Variants in C10orf90 observed in about 807,000 individuals in gnomAD.
C10orf90 encodes the protein chromosome 10 open reading frame 90.
A neutral mutation model predicts 62.5 loss-of-function variants in C10orf90; 56 were observed. The observed-to-expected ratio is 0.90, with a 90% CI of 0.72 to 1.12. The LOEUF is 1.12. Among genes scored for constraint, C10orf90 ranks in the 50% most tolerant of loss-of-function variants. The pLI is 0.00. For synonymous variants in C10orf90, 386 were observed against 340.4 expected, an observed-to-expected ratio of 1.13 and a Z score of -1.47; for missense variants, 970 against 880.4, an observed-to-expected ratio of 1.10 and a Z score of -1.29.
At chr10:126,434,613 C>T (rs1417277634) in intron 7 of C10orf90, among the ~76,000 whole-genome samples, 1 of 152,140 alleles carries the variant, frequency 6.6e-6, no homozygotes, top group Admixed American at 6.5e-5. Flanking sequence ...GTCAATAAGC[C>T]AGCCTGGAGT....
At position 126,565,944 on chromosome 10, in the gene C10orf90, G is replaced by A. The variant is rs565666265; in HGVS notation, c.314-52005C>T. Among the ~76,000 whole-genome samples the A allele has an allele frequency of 7.8e-4, 119 of 152,252 alleles. 1 individual carries two copies. The highest frequency in any genetic ancestry group is 2.6e-3 in the African/African-American group (109 of 41,558). The stretch of plus-strand genomic sequence containing the variant: ...GTTAGCCCAAATAGCGCTCCTCCAC[G>A]TCCCCTTATCATTTCCATATTCACA... On this transcript the variant is annotated intron_variant, in intron 2 of 9. Coordinates refer to ENST00000488181, the MANE Select transcript of C10orf90 (RefSeq NM_001350921.2).
intron 2 of C10orf90, among the ~76,000 whole-genome samples, chr10:126,561,470 A>G (rs1009763037): frequency 2.0e-5 from 3 of 152,146 alleles, no homozygotes; most frequent in Non-Finnish European, 4.4e-5. Context: ...ATTGTAGGCA[A>G]TTACATTTTA....
intron 8 of C10orf90, among the ~76,000 whole-genome samples, chr10:126,427,512 A>T (rs1857330443): frequency 6.6e-6 from 1 of 152,130 alleles, no homozygotes; most frequent in African/African-American, 2.4e-5. Context: ...GAAGAGGAAG[A>T]CCTACATTCA....
chr10:126,490,052 A>ATATAT lies in C10orf90; in HGVS notation c.1534+13904_1534+13905insATATA, dbSNP rs1861666674. On this transcript the variant is annotated intron_variant, in intron 4 of 9. Coordinates refer to ENST00000488181, the MANE Select transcript of C10orf90 (RefSeq NM_001350921.2). ...TAATATATAATATATATTATATATT[A>ATATAT]TGTTATATAATATATAATATATAAT... 6.7e-5 allele frequency among the ~76,000 whole-genome samples: 6 copies of ATATAT among 89,712 alleles called. No individual in the cohort carries two copies. In the South Asian group the frequency reaches 1.4e-3, roughly 22 times the overall value. 58.9% of individuals were successfully genotyped at this position (89,712 alleles called of 152,430 possible). A position where few individuals can be genotyped will look rare whatever the true frequency, so the allele number is the denominator to read the frequency against.
intron 3 of C10orf90, among the ~76,000 whole-genome samples, chr10:126,511,057 C>T (rs550248489): frequency 1.3e-5 from 2 of 152,246 alleles, no homozygotes; most frequent in African/African-American, 4.8e-5. Context: ...CTGCAGTCCT[C>T]TCCGCGTTTG....
intron 4 of C10orf90, among the ~76,000 whole-genome samples, chr10:126,478,264 C>G (rs1334332772): frequency 6.6e-6 from 1 of 152,212 alleles, no homozygotes; most frequent in Non-Finnish European, 1.5e-5. Context: ...TTCTGCCACC[C>G]TTTAAGTGGG....
chr10:126,530,559 T>A (rs1001164980), intron 2 of C10orf90, among the ~76,000 whole-genome samples: 1 of 151,498 alleles, frequency 6.6e-6, no homozygotes, highest in Non-Finnish European at 1.5e-5. Flanking sequence ...GACCCCTATA[T>A]CTATTAAAGA....
At chr10:126,465,612 C>T (rs113042712) in intron 4 of C10orf90, among the ~76,000 whole-genome samples, 8 of 152,124 alleles carry the variant, frequency 5.3e-5, no homozygotes, top group African/African-American at 1.7e-4. Flanking sequence ...CGTACTATGG[C>T]GAATACAGAG....
intron 2 of C10orf90, among the ~76,000 whole-genome samples, chr10:126,554,373 T>C (rs1044466916): frequency 6.6e-6 from 1 of 152,138 alleles, no homozygotes; most frequent in African/African-American, 2.4e-5. Flanking sequence ...CAGCTGGAGA[T>C]AGTAGTTATG....
At chr10:126,534,905 C>T (rs891258843) in intron 2 of C10orf90, among the ~76,000 whole-genome samples, 3 of 152,168 alleles carry the variant, frequency 2.0e-5, no homozygotes, top group African/African-American at 7.2e-5. Context: ...ACACTCACTC[C>T]ATTAGCACCC....
chr10:126,534,992 T>C (rs1864194716), intron 2 of C10orf90, among the ~76,000 whole-genome samples: 1 of 152,146 alleles, frequency 6.6e-6, no homozygotes, highest in Admixed American at 6.5e-5. Flanking sequence ...TCAGAGCATC[T>C]GAGACCACAT....
intron 2 of C10orf90, among the ~76,000 whole-genome samples, chr10:126,636,602 C>T (rs78886180): frequency 0.057 from 8,606 of 152,262 alleles, 261 homozygotes; most frequent in South Asian, 0.066. Context: ...CTTCAGCTTC[C>T]AGATAAATAT....
chr10:126,459,364 C>T (rs1432962774), intron 6 of C10orf90, 147 bp from the exon 7 acceptor site: 3 of 888,906 alleles, frequency 3.4e-6, no homozygotes, highest in African/African-American at 3.4e-5. Flanking sequence ...GCTTTTCTTG[C>T]ACATCTTTGT....
At chr10:126,565,156 A>ATAATATTATATTACATATTATGTAATAT (rs1166454458) in intron 2 of C10orf90, among the ~76,000 whole-genome samples, 3 of 61,264 alleles carry the variant, frequency 4.9e-5, no homozygotes, top group African/African-American at 1.7e-4. Context: ...AATATGTAAT[A>ATAATATTATATTACATATTATGTAATAT]TAATATTTAT....
chr10:126,663,105 G>A (rs1442578718), intron 1 of C10orf90, among the ~76,000 whole-genome samples: 1 of 152,198 alleles, frequency 6.6e-6, no homozygotes, highest in South Asian at 2.1e-4. Flanking sequence ...AGGACCTAGA[G>A]TGGCAAAAAC....
chr10:126,595,450 T>C (rs2134033436), intron 2 of C10orf90, among the ~76,000 whole-genome samples: 1 of 152,320 alleles, frequency 6.6e-6, no homozygotes, highest in African/African-American at 2.4e-5. Context: ...ATAAATTATT[T>C]AGCTTTAAGT....
chr10:126,655,243 A>G (rs773148500), intron 1 of C10orf90, among the ~76,000 whole-genome samples: 9 of 152,114 alleles, frequency 5.9e-5, no homozygotes, highest in Non-Finnish European at 1.2e-4. Flanking sequence ...GCTTGAACCC[A>G]GGAGGCGGAG....
chr10:126,464,921 C>T lies in C10orf90; in HGVS notation c.1600G>A (p.Ala534Thr), dbSNP rs373175630. ...GTGGGCTTCTGTTCCACTGGAGGAG[C>T]AGACACAGTCATACATACTTCTCCT... ...QQGEVCMTVS[A>T]PPVEQKPTRH... Residue 534 changes from alanine (A) to threonine (T), a missense_variant, in exon 5 of 10, where the codon GCT becomes ACT. By Grantham distance (58) the Ala-to-Thr change is moderately conservative. Transcript: ENST00000488181. The T allele has an allele frequency of 1.9e-6, 3 of 1,613,312 alleles. No individual in the cohort carries two copies. Among genetic ancestry groups the T allele is most frequent in the South Asian group, 2.2e-5 (2 of 91,070 alleles).
intron 2 of C10orf90, among the ~76,000 whole-genome samples, chr10:126,586,434 G>T (rs1844871890): frequency 6.6e-6 from 1 of 152,220 alleles, no homozygotes; most frequent in South Asian, 2.1e-4. Flanking sequence ...AGGAAAATCG[G>T]CACGCGTTCT....
Sources: allele counts gnomAD v4.1 joint callset (sites outside exome capture counted in the v4.1 genomes callset), GRCh38; gene constraint gnomAD v4.1.1; transcripts MANE v1.5; gene names NCBI Gene and HGNC (gene_info 2026-07-23, HGNC 2026-07-21).